ARHGAP15: variants seen among roughly 807,000 people sequenced by gnomAD.
ARHGAP15 encodes rho GTPase-activating protein 15.
A neutral mutation model predicts 63.7 loss-of-function variants in ARHGAP15; 51 were observed. The ratio of observed to expected loss-of-function variants is 0.80; its 90% CI spans 0.64 to 1.01. ARHGAP15 has a LOEUF of 1.01. Among genes scored for constraint, ARHGAP15 ranks in the 50% least tolerant of loss-of-function variants. The probability of loss-of-function intolerance (pLI) is 0.00; values close to 1 mark genes in which losing one functional copy is unlikely to be tolerated. For synonymous variants in ARHGAP15, 191 were observed against 193.8 expected (o/e 0.99, Z 0.12); for missense variants, 560 against 564.6 (o/e 0.99, Z 0.08).
At chr2:143,154,475 C>A (rs1476162903) in intron 1 of ARHGAP15, among the ~76,000 whole-genome samples, 1 of 152,056 alleles carries the variant, frequency 6.6e-6, no homozygotes, top group South Asian at 2.1e-4. Flanking sequence ...GCTCCCATAA[C>A]TGACTAGTCA....
chr2:143,715,991 G>T (rs1180140468), intron 13 of ARHGAP15, among the ~76,000 whole-genome samples: 1 of 152,162 alleles, frequency 6.6e-6, no homozygotes, highest in East Asian at 1.9e-4. Flanking sequence ...ACACATTGGG[G>T]CCTGTTGGAA....
chr2:143,521,786 C>CT (rs5834955), intron 10 of ARHGAP15, among the ~76,000 whole-genome samples: 41,693 of 151,298 alleles, frequency 0.28, 6,082 homozygotes, highest in African/African-American at 0.38. Flanking sequence ...GTTTCCTTCT[C>CT]TTTTTTTTTC....
intron 8 of ARHGAP15, among the ~76,000 whole-genome samples, chr2:143,479,519 C>T (rs1048393689): frequency 2.0e-5 from 3 of 151,986 alleles, no homozygotes; most frequent in Non-Finnish European, 4.4e-5. Flanking sequence ...TGGATTGATG[C>T]CCTATGATAT....
chr2:143,335,564 C>G (rs546903501), intron 6 of ARHGAP15, among the ~76,000 whole-genome samples: 3 of 151,952 alleles, frequency 2.0e-5, no homozygotes, highest in Non-Finnish European at 4.4e-5. Flanking sequence ...TGTTTAAATG[C>G]CAAGGAAATG....
chr2:143,485,249 AC>A (rs1227516492), intron 8 of ARHGAP15, among the ~76,000 whole-genome samples: 1 of 151,192 alleles, frequency 6.6e-6, no homozygotes, highest in African/African-American at 2.4e-5. Context: ...CCTTGCCCCC[AC>A]CCCTTGAAAG....
At chr2:143,380,266 C>T (rs1213519023) in intron 6 of ARHGAP15, among the ~76,000 whole-genome samples, 2 of 152,124 alleles carry the variant, frequency 1.3e-5, no homozygotes, top group African/African-American at 4.8e-5. Context: ...ATTCCTGGCT[C>T]TGTTACTAAC....
At chr2:143,351,478 C>T (rs183091517) in intron 6 of ARHGAP15, 24 of 152,210 alleles carry the variant, frequency 1.6e-4, no homozygotes, top group African/African-American at 4.1e-4. Flanking sequence ...AATCAAATTC[C>T]ACCTTCATTA....
Position 143,613,456 on chromosome 2 carries a change from T to A in ARHGAP15, c.1004-10677T>A, listed in dbSNP as rs146298373. Among the ~76,000 whole-genome samples, 85 of 152,310 alleles carry A rather than the reference T, an allele frequency of 5.6e-4. No homozygotes were observed. In the East Asian group the frequency reaches 0.014, roughly 25 times the overall value. ...AATCAGCATGTGGAGACCAACATAA[T>A]CCAATTAACTGTAATTCCCTTTTGT... On this transcript the variant is annotated intron_variant, in intron 11 of 13. Transcript: ENST00000295095.
At chr2:143,437,387 A>G in intron 8 of ARHGAP15, 1 of 226,892 alleles carries the variant, frequency 4.4e-6, no homozygotes, top group Non-Finnish European at 8.7e-6. Flanking sequence ...TTTTATTTGC[A>G]TACATTAAAG....
At chr2:143,626,164 C>T (rs946582699) in intron 12 of ARHGAP15, among the ~76,000 whole-genome samples, 1 of 152,082 alleles carries the variant, frequency 6.6e-6, no homozygotes, top group African/African-American at 2.4e-5. Context: ...ATGGCTCTTG[C>T]AAGGGTTTCT....
chr2:143,599,492 G>GACCAGCCTGAGTAGC (rs1697675230), intron 11 of ARHGAP15, among the ~76,000 whole-genome samples: 4 of 152,064 alleles, frequency 2.6e-5, no homozygotes, highest in Middle Eastern at 6.8e-3. Flanking sequence ...GAAATCAGGA[G>GACCAGCCTGAGTAGC]TTCGAGACCA....
chr2:143,638,171 A>G (rs1282739118), intron 12 of ARHGAP15, among the ~76,000 whole-genome samples: 29 of 147,092 alleles, frequency 2.0e-4, no homozygotes, highest in African/African-American at 4.7e-4. Context: ...AAAGGACTAT[A>G]AATCATGCTG....
chr2:143,678,513 C>A (rs1013805292), intron 12 of ARHGAP15, among the ~76,000 whole-genome samples: 1 of 152,338 alleles, frequency 6.6e-6, no homozygotes, highest in Non-Finnish European at 1.5e-5. Context: ...CTCACAACAG[C>A]GAGCATTAGC....
At chr2:143,702,319 C>A (rs1455412005) in intron 12 of ARHGAP15, among the ~76,000 whole-genome samples, 1 of 152,000 alleles carries the variant, frequency 6.6e-6, no homozygotes, top group Non-Finnish European at 1.5e-5. Context: ...CATCTATAAA[C>A]AAAACAAAAT....
intron 6 of ARHGAP15, among the ~76,000 whole-genome samples, chr2:143,399,220 T>C (rs1687895417): frequency 2.0e-5 from 3 of 152,042 alleles, no homozygotes; most frequent in Admixed American, 6.6e-5. Flanking sequence ...AGGCTGACTA[T>C]GGAGGTTTGC....
chr2:143,413,627 C>A (rs749345826), intron 6 of ARHGAP15, among the ~76,000 whole-genome samples: 3 of 152,158 alleles, frequency 2.0e-5, no homozygotes, highest in Non-Finnish European at 4.4e-5. Context: ...TAAGCCACCA[C>A]AACCAACTAA....
At chr2:143,608,322 G>A (rs1321816754) in intron 11 of ARHGAP15, 2 of 152,150 alleles carry the variant, frequency 1.3e-5, no homozygotes, top group Non-Finnish European at 2.9e-5. Context: ...CTGTAAGCAA[G>A]GTAAAAGGCA....
At chr2:143,369,663 A>G (rs1263009478) in intron 6 of ARHGAP15, among the ~76,000 whole-genome samples, 4 of 152,160 alleles carry the variant, frequency 2.6e-5, no homozygotes, top group African/African-American at 4.8e-5. Context: ...CATTTGGGCC[A>G]TACATATAAT....
chr2:143,233,673 G>A (rs556556249), intron 5 of ARHGAP15, among the ~76,000 whole-genome samples: 76 of 133,524 alleles, frequency 5.7e-4, no homozygotes, highest in Non-Finnish European at 1.1e-3. Flanking sequence ...TTGAGATGAA[G>A]TCTCACTCTG....
Sources: gnomAD v4.1 joint callset for allele counts (sites outside exome capture counted in the v4.1 genomes callset) on GRCh38, gnomAD v4.1.1 for gene constraint, MANE v1.5 for transcripts, NCBI Gene and HGNC (gene_info 2026-07-23, HGNC 2026-07-21) for gene names.